The following PLPPR5 variants were observed in gnomAD, a reference collection of about 807,000 sequenced individuals.
The protein encoded by PLPPR5 is phospholipid phosphatase related 5, also known as phospholipid phosphatase-related protein type 5.
A neutral mutation model predicts 33.9 loss-of-function variants in PLPPR5; 16 were observed. That is an observed-to-expected ratio of 0.47 (90% CI 0.32 to 0.72). PLPPR5 has a LOEUF of 0.72. PLPPR5 is among the 30% of genes least tolerant of loss of function. PLPPR5 has a pLI of 0.03. For synonymous variants in PLPPR5, 163 were observed against 150.3 expected, an observed-to-expected ratio of 1.08 and a Z score of -0.62; for missense variants, 301 against 406.7, an observed-to-expected ratio of 0.74 and a Z score of 2.23.
At chr1:98,956,796 A>G in intron 1 of PLPPR5, 55 bp from the exon 2 acceptor site, 1 of 1,333,840 alleles carries the variant, frequency 7.5e-7, no homozygotes, top group Non-Finnish European at 1.0e-6. Context: ...TATAAATGTA[A>G]AATATTTTTA....
intron 1 of PLPPR5, among the ~76,000 whole-genome samples, chr1:98,957,796 C>T (rs1651069713): frequency 6.6e-6 from 1 of 152,158 alleles, no homozygotes; most frequent in African/African-American, 2.4e-5. Flanking sequence ...AACACCAAGA[C>T]TTGGAACACA....
chr1:98,945,336 C>G (rs1397537721), intron 3 of PLPPR5, among the ~76,000 whole-genome samples: 1 of 152,208 alleles, frequency 6.6e-6, no homozygotes, highest in African/African-American at 2.4e-5. Context: ...ACAGGAATTT[C>G]TGGAGCACAC....
chr1:98,921,954 T>C lies in PLPPR5; in HGVS notation c.726A>G (p.Val242=), dbSNP rs114884676. 2.2e-4 allele frequency: 353 copies of C among 1,614,052 alleles called. No homozygotes were observed. In the African/African-American group the frequency reaches 3.9e-3, roughly 18 times the overall value. Residue 242 remains valine, a synonymous_variant, in exon 4 of 6, where the codon GTA becomes GTG. Coordinates refer to ENST00000263177, the MANE Select transcript of PLPPR5 (RefSeq NM_001037317.2). ...CLAFLTGLNR[V]AEYRNHWSDV... ...CTGACCAATGATTTCGATATTCTGC[T>C]ACTCTGTTGAGTCCAGTAAGAAATG...
intron 5 of PLPPR5, 41 bp from the exon 6 acceptor site, chr1:98,893,145 A>G: frequency 6.3e-7 from 1 of 1,593,764 alleles, no homozygotes; most frequent in Non-Finnish European, 8.6e-7. Context: ...GAGGCTTGGG[A>G]ACATTAGCTT....
intron 5 of PLPPR5, among the ~76,000 whole-genome samples, chr1:98,899,489 C>G (rs1027612050): frequency 1.3e-4 from 20 of 152,254 alleles, no homozygotes; most frequent in African/African-American, 4.6e-4. Flanking sequence ...TGTCCTTTCA[C>G]TGGCAAAAGA....
chr1:98,961,529 C>T (rs114747039), intron 1 of PLPPR5, among the ~76,000 whole-genome samples: 342 of 152,204 alleles, frequency 2.2e-3, no homozygotes, highest in African/African-American at 7.8e-3. Context: ...ATAGCAATGT[C>T]GCTATTAAAG....
At chr1:98,946,868 G>C (rs1182646305) in intron 3 of PLPPR5, among the ~76,000 whole-genome samples, 1 of 151,910 alleles carries the variant, frequency 6.6e-6, no homozygotes, top group African/African-American at 2.4e-5. Context: ...TGAATTTTTA[G>C]GTGAAAAGAA....
chr1:98,952,155 C>T (rs912669979), intron 3 of PLPPR5, among the ~76,000 whole-genome samples: 5 of 150,900 alleles, frequency 3.3e-5, no homozygotes, highest in Admixed American at 6.7e-5. Context: ...CCCAGCTACT[C>T]GGAAGGCTGA....
At chr1:98,920,469 A>G (rs2101159529) in intron 4 of PLPPR5, among the ~76,000 whole-genome samples, 1 of 151,580 alleles carries the variant, frequency 6.6e-6, no homozygotes, top group South Asian at 2.1e-4. Context: ...AAAAAAAAAA[A>G]AAAAAAGTTT....
chr1:98,954,062 C>T (rs767547026), intron 2 of PLPPR5, among the ~76,000 whole-genome samples: 1 of 152,086 alleles, frequency 6.6e-6, no homozygotes, highest in Admixed American at 6.5e-5. Context: ...AATTTATTTG[C>T]TTTGGTTACC....
At chr1:98,923,736 C>T (rs1385229868) in intron 3 of PLPPR5, among the ~76,000 whole-genome samples, 1 of 152,110 alleles carries the variant, frequency 6.6e-6, no homozygotes. Flanking sequence ...TAAGACTGTG[C>T]TTGGAAAAGC....
chr1:98,966,793 G>C (rs1054882961), intron 1 of PLPPR5, among the ~76,000 whole-genome samples: 1 of 152,172 alleles, frequency 6.6e-6, no homozygotes, highest in African/African-American at 2.4e-5. Flanking sequence ...CACCCACTGG[G>C]TGGGATGAGC....
intron 1 of PLPPR5, among the ~76,000 whole-genome samples, chr1:98,995,343 A>G (rs1652594872): frequency 6.6e-6 from 1 of 152,138 alleles, no homozygotes; most frequent in Non-Finnish European, 1.5e-5. Flanking sequence ...TCACGATCAA[A>G]AAACTACCTA....
At chr1:98,990,883 T>A (rs906312727) in intron 1 of PLPPR5, 5 of 152,284 alleles carry the variant, frequency 3.3e-5, no homozygotes, top group South Asian at 2.1e-4. Context: ...TTTATTTTTT[T>A]AAATACACAA....
Position 99,004,763 on chromosome 1 carries a change from C to G in PLPPR5, c.-92G>C. The stretch of plus-strand genomic sequence containing the variant: ...TCCGCCGAGGCAGCCACCGGGGGCG[C>G]GGCGGCGGAGGCGGCGGGAGGACGA... On this transcript the variant is annotated 5_prime_UTR_variant, in exon 1 of 6. Transcript: ENST00000263177. 1 of 848,742 alleles carries G rather than the reference C, an allele frequency of 1.2e-6. No homozygotes were observed. Among genetic ancestry groups the G allele is most frequent in the Non-Finnish European group, 1.6e-6 (1 of 642,346 alleles). 52.6% of individuals were successfully genotyped at this position (848,742 alleles called of 1,614,324 possible). A position where few individuals can be genotyped will look rare whatever the true frequency, so the allele number is the denominator to read the frequency against.
chr1:98,989,412 CAAAG>C (rs1332785417), intron 1 of PLPPR5, among the ~76,000 whole-genome samples: 3 of 152,004 alleles, frequency 2.0e-5, no homozygotes, highest in Non-Finnish European at 2.9e-5. Flanking sequence ...AAAAAGAACT[CAAAG>C]AAATGCTTAA....
chr1:99,001,671 GATAT>G (rs55722150), intron 1 of PLPPR5, among the ~76,000 whole-genome samples: 38,776 of 102,102 alleles, frequency 0.38, 6,923 homozygotes, highest in Middle Eastern at 0.49. Context: ...GAAAGTTAAA[GATAT>G]ATATATATAT....
intron 1 of PLPPR5, among the ~76,000 whole-genome samples, chr1:98,983,088 AT>A (rs57436557): frequency 0.87 from 131,110 of 151,184 alleles, 57,149 homozygotes; most frequent in East Asian, 0.99. Context: ...CATAAACTCC[AT>A]TTTTTTTTTT....
intron 3 of PLPPR5, among the ~76,000 whole-genome samples, chr1:98,927,308 C>G (rs1252143754): frequency 6.6e-6 from 1 of 152,164 alleles, no homozygotes; most frequent in Non-Finnish European, 1.5e-5. Flanking sequence ...ACAGTGGGGT[C>G]TAGTTGGAGG....
Sources: gnomAD v4.1 joint callset for allele counts (sites outside exome capture counted in the v4.1 genomes callset) on GRCh38, gnomAD v4.1.1 for gene constraint, MANE v1.5 for transcripts, NCBI Gene and HGNC (gene_info 2026-07-23, HGNC 2026-07-21) for gene names.